Variants in BOLA3 observed in about 807,000 individuals in gnomAD.
BOLA3 encodes the protein bolA family member 3.
BOLA3 carries 8 observed loss-of-function variants against 14.5 expected under a neutral mutation model. The ratio of observed to expected loss-of-function variants is 0.55; its 90% CI spans 0.32 to 0.99. The LOEUF (loss-of-function observed/expected upper bound fraction) is 0.99. Among genes scored for constraint, BOLA3 ranks in the 50% least tolerant of loss-of-function variants. BOLA3 has a pLI of 0.04. For missense variants in BOLA3, 115 were observed against 138.2 expected, an observed-to-expected ratio of 0.83 and a Z score of 0.84; for synonymous variants, 42 against 45.7, an observed-to-expected ratio of 0.92 and a Z score of 0.33.
intron 2 of BOLA3, among the ~76,000 whole-genome samples, chr2:74,144,517 A>ATG (rs1692506404): frequency 6.6e-6 from 1 of 151,130 alleles, no homozygotes; most frequent in African/African-American, 2.4e-5. Flanking sequence ...TTCTGTGTGT[A>ATG]CGTGTGTGTG....
rs828889 is a variant in BOLA3, at chr2:74,144,868, G to A, written c.169+321C>T. Among the ~76,000 whole-genome samples, 71,212 of 152,026 alleles carry A rather than the reference G, an allele frequency of 0.47. 17,718 individuals carry two copies. Among genetic ancestry groups the A allele is most frequent in the African/African-American group, 0.63 (25,956 of 41,462 alleles). On this transcript the variant is annotated intron_variant, in intron 2 of 3. Transcript: ENST00000327428. ...GTGTCAGAAGAATGGGGGAAAATTA[G>A]AGCAAAACCTATTCAAAGTCAAATG...
At chr2:74,145,479 C>A in intron 1 of BOLA3, 176 bp from the exon 2 acceptor site, 1 of 633,652 alleles carries the variant, frequency 1.6e-6, no homozygotes. Flanking sequence ...ATGTAAGTGC[C>A]CCAAAACACA....
Position 74,146,478 on chromosome 2 carries a change from G to A in BOLA3, c.55-1175C>T, listed in dbSNP as rs1274052176. 2.6e-5 allele frequency: 4 copies of A among 152,350 alleles called. No homozygotes were observed. The South Asian group carries it at 8.3e-4, about 32-fold the overall frequency. The allele number at this position is 152,350 out of a possible 1,614,324, so 9.4% of individuals were successfully genotyped here. A position where few individuals can be genotyped will look rare whatever the true frequency, so the allele number is the denominator to read the frequency against. Reference sequence around the variant, plus strand: ...GTATGGGACAGGAGATGGGACTCCAGGTGATAGAACCCAGGCTCATGGGAC... The same window carrying A: ...GTATGGGACAGGAGATGGGACTCCAAGTGATAGAACCCAGGCTCATGGGAC... On this transcript the variant is annotated intron_variant, in intron 1 of 3. Coordinates refer to ENST00000327428, the MANE Select transcript of BOLA3 (RefSeq NM_212552.3).
intron 3 of BOLA3, among the ~76,000 whole-genome samples, chr2:74,138,428 G>A (rs1461458730): frequency 6.6e-6 from 1 of 152,246 alleles, no homozygotes; most frequent in Non-Finnish European, 1.5e-5. Flanking sequence ...TTCGAGGTGA[G>A]CTACTGCACT....
chr2:74,143,411 GGCCTCCCAAAGTGCTGGGATTACAGGC>G (rs1444571744), intron 2 of BOLA3, among the ~76,000 whole-genome samples: 1 of 151,974 alleles, frequency 6.6e-6, no homozygotes, highest in Non-Finnish European at 1.5e-5. Context: ...CACCCGCCTC[GGCCTCCCAAAGTGCTGGGATTACAGGC>G]GTGAGCCACC....
chr2:74,144,321 A>C (rs1692502487), intron 2 of BOLA3, among the ~76,000 whole-genome samples: 1 of 152,202 alleles, frequency 6.6e-6, no homozygotes, highest in Non-Finnish European at 1.5e-5. Flanking sequence ...GCAGATCTTT[A>C]GATTGATTTA....
Position 74,142,300 on chromosome 2 carries a change from G to T in BOLA3, c.230C>A (p.Thr77Asn). 6.2e-7 allele frequency: 1 copy of T among 1,613,902 alleles called. No individual in the cohort carries two copies. The highest frequency in any genetic ancestry group is 8.5e-7 in the Non-Finnish European group (1 of 1,179,836). Residue 77 changes from threonine (T) to asparagine (N), a missense_variant, in exon 3 of 4, where the codon ACT becomes AAT. Physicochemically the swap from Thr to Asn is moderately conservative, Grantham distance 65. Transcript: ENST00000327428. ...ATTAACCATCTGGTGCTGCTGGACAGTTCTCTTCTCCTTAAATTCTTCTGA... is the reference window on the plus strand; with the variant it reads ...ATTAACCATCTGGTGCTGCTGGACATTTCTCTTCTCCTTAAATTCTTCTGA... ...IESEEFKEKR[T>N]VQQHQMVNQA...
intron 3 of BOLA3, among the ~76,000 whole-genome samples, chr2:74,140,080 T>G (rs555524295): frequency 6.6e-6 from 1 of 152,240 alleles, no homozygotes; most frequent in South Asian, 2.1e-4. Flanking sequence ...AGTCAGGAGT[T>G]CGAGACCAGC....
At chr2:74,147,646 G>C (rs1389544964) in intron 1 of BOLA3, 175 bp downstream of exon 1, 6 of 687,672 alleles carry the variant, frequency 8.7e-6, no homozygotes, top group Non-Finnish European at 1.2e-5. Flanking sequence ...TGCCGTTGTC[G>C]CTGAGTGAAT....
intron 2 of BOLA3, among the ~76,000 whole-genome samples, chr2:74,143,219 G>A (rs991602848): frequency 2.0e-5 from 3 of 151,412 alleles, no homozygotes; most frequent in Admixed American, 6.6e-5. Flanking sequence ...GCAGTGGCAC[G>A]ATCTGGGCTC....
At chr2:74,145,610 A>G (rs749987225) in intron 1 of BOLA3, 2 of 410,782 alleles carry the variant, frequency 4.9e-6, no homozygotes, top group African/African-American at 4.1e-5. Context: ...TGACACTATT[A>G]TGCCGATAGT....
At chr2:74,144,698 C>G (rs1475226732) in intron 2 of BOLA3, among the ~76,000 whole-genome samples, 1 of 152,196 alleles carries the variant, frequency 6.6e-6, no homozygotes, top group East Asian at 1.9e-4. Flanking sequence ...TCCCCTGAGT[C>G]CCGGTTCTGG....
intron 3 of BOLA3, among the ~76,000 whole-genome samples, chr2:74,139,793 T>A (rs920462647): frequency 3.3e-5 from 5 of 152,076 alleles, no homozygotes; most frequent in African/African-American, 1.2e-4. Flanking sequence ...CCCCCCCAAG[T>A]CCTGAGCCAG....
At chr2:74,138,757 C>T (rs1474051145) in intron 3 of BOLA3, among the ~76,000 whole-genome samples, 2 of 152,248 alleles carry the variant, frequency 1.3e-5, no homozygotes, top group South Asian at 2.1e-4. Flanking sequence ...GGAAAGAGGC[C>T]GGAGGCAGGG....
chr2:74,142,406 C>T, intron 2 of BOLA3, 46 bp from the exon 3 acceptor site: 4 of 1,408,638 alleles, frequency 2.8e-6, no homozygotes, highest in Non-Finnish European at 4.0e-6. Flanking sequence ...TAAGTCATGG[C>T]AGCCATGGTC....
At chr2:74,140,795 C>T (rs961146810) in intron 3 of BOLA3, among the ~76,000 whole-genome samples, 1 of 152,172 alleles carries the variant, frequency 6.6e-6, no homozygotes, top group African/African-American at 2.4e-5. Context: ...TACTTTATCA[C>T]GAATCCTCAC....
intron 2 of BOLA3, among the ~76,000 whole-genome samples, chr2:74,142,841 A>G (rs1017825702): frequency 6.6e-6 from 1 of 152,232 alleles, no homozygotes; most frequent in Admixed American, 6.5e-5. Context: ...CATGAGAGCC[A>G]GGGACACAGC....
rs1692450354 is a variant in BOLA3 at position 74,142,300 on chromosome 2, GTTCTC to G, written c.225_229del (p.Lys75AsnfsTer9). ...ATTAACCATCTGGTGCTGCTGGACA[GTTCTC>G]TTCTCCTTAAATTCTTCTGATTCAA... On this transcript the variant is annotated frameshift_variant, in exon 3 of 4. Coordinates refer to ENST00000327428, the MANE Select transcript of BOLA3 (RefSeq NM_212552.3). LOFTEE classifies it high-confidence loss of function. 1.9e-5 allele frequency: 31 copies of G among 1,613,902 alleles called. No individual in the cohort carries two copies. The highest frequency in any genetic ancestry group is 6.7e-5 in the East Asian group (3 of 44,880).
chr2:74,138,569 C>G (rs927505592), intron 3 of BOLA3, among the ~76,000 whole-genome samples: 1 of 152,184 alleles, frequency 6.6e-6, no homozygotes, highest in Admixed American at 6.5e-5. Flanking sequence ...GGGAAGCTCC[C>G]GTGATTCACT....
Sources: allele counts gnomAD v4.1 joint callset (sites outside exome capture counted in the v4.1 genomes callset), GRCh38; gene constraint gnomAD v4.1.1; transcripts MANE v1.5; gene names NCBI Gene and HGNC (gene_info 2026-07-23, HGNC 2026-07-21).